The following ZNF426 variants were observed in gnomAD, a reference collection of about 807,000 sequenced individuals.
ZNF426 encodes CTC-543D15.7.
In ZNF426, 23 loss-of-function variants were observed where a neutral mutation model predicts 24.0. The observed-to-expected ratio is 0.96, with a 90% CI of 0.69 to 1.36. ZNF426 has a LOEUF of 1.36. Among genes scored for constraint, ZNF426 ranks in the 40% most tolerant of loss-of-function variants. The pLI, the probability that ZNF426 is intolerant of heterozygous loss-of-function variation, is 0.00. For missense variants in ZNF426, 646 were observed against 658.4 expected (o/e 0.98, Z 0.21); for synonymous variants, 272 against 224.6 (o/e 1.21, Z -1.89).
In ZNF426 at chr19:9,528,415, GA is replaced by G; in HGVS notation, c.1629del (p.Arg545ValfsTer17). 6.2e-7 allele frequency: 1 copy of G among 1,604,628 alleles called. No homozygotes were observed. The highest frequency in any genetic ancestry group is 8.5e-7 in the Non-Finnish European group (1 of 1,176,190). The part of the protein sequence containing the change: ...KCQQCGKAYS[H>X]PRSLRRHEQI... The stretch of plus-strand genomic sequence containing the variant: ...TGTTCATGTCTTCGAAGTGAACGGG[GA>G]TGACTGTAAGCTTTCCCGCATTGCT... On this transcript the variant is annotated frameshift_variant, in exon 8 of 8. Coordinates refer to ENST00000253115, the MANE Select transcript of ZNF426 (RefSeq NM_024106.3). LOFTEE classifies it low-confidence loss of function (END_TRUNC).
intron 3 of ZNF426, among the ~76,000 whole-genome samples, chr19:9,535,501 AAC>A (rs2073952462): frequency 6.6e-6 from 1 of 152,158 alleles, no homozygotes; most frequent in Non-Finnish European, 1.5e-5. Flanking sequence ...CAGCCTGGGC[AAC>A]ACGGTGAGAC....
chr19:9,531,243 G>T (rs1233719476), intron 6 of ZNF426, among the ~76,000 whole-genome samples, 176 bp from the exon 7 acceptor site: 1 of 152,120 alleles, frequency 6.6e-6, no homozygotes, highest in Non-Finnish European at 1.5e-5. Flanking sequence ...AAGCTAGCTG[G>T]GTGTGGTGGT....
At position 9,529,694 on chromosome 19, in the gene ZNF426, C is replaced by A. The variant is rs2073854161; in HGVS notation, c.409-58G>T. 2.7e-6 allele frequency: 4 copies of A among 1,477,038 alleles called. No homozygotes were observed. The East Asian group carries it at 9.1e-5, about 34-fold the overall frequency. The allele number at this position is 1,477,038 out of a possible 1,614,324, so 91.5% of individuals were successfully genotyped here. On this transcript the variant is annotated intron_variant, in intron 7 of 7. Coordinates refer to ENST00000253115, the MANE Select transcript of ZNF426 (RefSeq NM_024106.3). ...TTCTCAAACATATTAACAGAACATA[C>A]CCATCTGAAGCTAGAAACATTATAA...
intron 3 of ZNF426, 83 bp downstream of exon 3, chr19:9,536,125 G>A (rs2073961719): frequency 6.3e-7 from 1 of 1,578,942 alleles, no homozygotes; most frequent in Non-Finnish European, 8.7e-7. Flanking sequence ...TCAGCAACAT[G>A]ACCAGCTGCC....
chr19:9,529,673 C>T (rs1467669629), intron 7 of ZNF426, 37 bp from the exon 8 acceptor site: 5 of 1,544,596 alleles, frequency 3.2e-6, no homozygotes, highest in Non-Finnish European at 3.5e-6. Flanking sequence ...GGATTTTTCT[C>T]AAACATATTA....
intron 2 of ZNF426, 31 bp from the exon 3 acceptor site, chr19:9,536,387 G>C: frequency 6.5e-7 from 1 of 1,538,256 alleles, no homozygotes; most frequent in Admixed American, 2.0e-5. Flanking sequence ...TCAACAAGCA[G>C]TACTTAATCA....
Position 9,528,736 on chromosome 19 carries a change from TA to T in ZNF426, c.1308del (p.Asn436LysfsTer126). 1.2e-6 allele frequency: 2 copies of T among 1,614,168 alleles called. No homozygotes were observed. The highest frequency in any genetic ancestry group is 1.7e-6 in the Non-Finnish European group (2 of 1,180,008). ...GKVFGYPSCL[N>X]NHMRTHSAQK... ...TGGGCACTGTGCGTTCGCATGTGAT[TA>T]TTAAGACATGAGGGATACCCAAATA... On this transcript the variant is annotated frameshift_variant, in exon 8 of 8. Transcript: ENST00000253115. LOFTEE classifies it low-confidence loss of function (END_TRUNC).
At chr19:9,536,812 T>G (rs1322206539) in intron 2 of ZNF426, among the ~76,000 whole-genome samples, 1 of 130,726 alleles carries the variant, frequency 7.6e-6, no homozygotes, top group African/African-American at 2.6e-5. Context: ...TTCATAGTAT[T>G]TATCTGGTTA....
chr19:9,523,367 A>G lies in ZNF426; in HGVS notation c.*5013T>C, dbSNP rs1599702073. 6.6e-6 allele frequency: 1 copy of G among 152,174 alleles called. No homozygotes were observed. Among genetic ancestry groups the G allele is most frequent in the South Asian group, 2.1e-4 (1 of 4,822 alleles). The allele number at this position is 152,174 out of a possible 1,614,324, so 9.4% of individuals were successfully genotyped here. ...ATCTCTCTTTGCCTTGAAGGTAACC[A>G]TTTCCGGTCACTTCACATAAAATTC... On this transcript the variant is annotated 3_prime_UTR_variant, in exon 8 of 8. Transcript: ENST00000253115.
rs2073845404 is a variant in ZNF426 at position 9,529,320 on chromosome 19, T to C, written c.725A>G (p.His242Arg). Reference protein sequence around the residue: ...SFINESYLQAHMRTHNGEKLY... With the variant: ...SFINESYLQARMRTHNGEKLY... ...TTTTTCTCCATTGTGAGTTCTCATA[T>C]GTGCCTGAAGGTATGACTCATTAAT... The change falls in exon 8 of 8, where the codon CAT (histidine) becomes CGT (arginine). Residue 242 changes from histidine to arginine, a missense_variant. Transcript: ENST00000253115. The C allele has an allele frequency of 6.2e-7, 1 of 1,614,206 alleles. No homozygotes were observed. The highest frequency in any genetic ancestry group is 8.5e-7 in the Non-Finnish European group (1 of 1,180,036).
chr19:9,528,596 C>A lies in ZNF426; in HGVS notation c.1449G>T (p.Lys483Asn). The A allele has an allele frequency of 6.2e-7, 1 of 1,613,180 alleles. No individual in the cohort carries two copies. Among genetic ancestry groups the A allele is most frequent in the African/African-American group, 1.3e-5 (1 of 74,698 alleles). The change falls in exon 8 of 8, where the codon AAG becomes AAT. Residue 483 changes from lysine (K) to asparagine (N), a missense_variant. Transcript: ENST00000253115. Reference sequence around the variant, plus strand: ...GAAATGAACTGGAATGACTGAAGGCCTTTCCACATTGTTTACACTCATAGG... The same window carrying A: ...GAAATGAACTGGAATGACTGAAGGCATTTCCACATTGTTTACACTCATAGG... ...EKPYECKQCGKAFSHSSSFQI... is the reference protein window; with the variant it reads ...EKPYECKQCGNAFSHSSSFQI...
chr19:9,523,368 T>C lies in ZNF426; in HGVS notation c.*5012A>G, dbSNP rs2073761021. 6.6e-6 allele frequency: 1 copy of C among 152,188 alleles called. No individual in the cohort carries two copies. The highest frequency in any genetic ancestry group is 1.5e-5 in the Non-Finnish European group (1 of 68,032). The allele number at this position is 152,188 out of a possible 1,614,324, so 9.4% of individuals were successfully genotyped here. A position where few individuals can be genotyped will look rare whatever the true frequency, so the allele number is the denominator to read the frequency against. On this transcript the variant is annotated 3_prime_UTR_variant, in exon 8 of 8. Transcript: ENST00000253115. ...TCTCTCTTTGCCTTGAAGGTAACCA[T>C]TTCCGGTCACTTCACATAAAATTCT...
At chr19:9,532,565 G>A (rs1385032100) in intron 6 of ZNF426, among the ~76,000 whole-genome samples, 2 of 152,010 alleles carry the variant, frequency 1.3e-5, no homozygotes, top group African/African-American at 4.8e-5. Context: ...CCAATGTGTG[G>A]GGATTACAGG....
At chr19:9,529,888 TG>T (rs1279536257) in intron 7 of ZNF426, among the ~76,000 whole-genome samples, 1 of 151,584 alleles carries the variant, frequency 6.6e-6, no homozygotes, top group Admixed American at 6.6e-5. Flanking sequence ...GGGAGTCCGA[TG>T]GGGGGCAGAT....
intron 4 of ZNF426, among the ~76,000 whole-genome samples, chr19:9,534,248 C>T (rs1457507290): frequency 6.6e-6 from 1 of 152,190 alleles, no homozygotes; most frequent in Non-Finnish European, 1.5e-5. Context: ...CTCTGTTGCC[C>T]AGGCTGGAGT....
At chr19:9,535,159 C>G (rs764941961) in intron 4 of ZNF426, 29 bp downstream of exon 4, 2 of 1,557,836 alleles carry the variant, frequency 1.3e-6, no homozygotes, top group Non-Finnish European at 1.8e-6. Context: ...AAGTATGTCA[C>G]TATGTATAAG....
In ZNF426 at chr19:9,526,670, AG is replaced by A. The variant is rs2073795175; in HGVS notation, c.*1709del. ...AAATACCAGATGGAAAGAAAAAAAA[AG>A]GGAAACAATGACAGAATTTCTCAAA... On this transcript the variant is annotated 3_prime_UTR_variant, in exon 8 of 8. Coordinates refer to ENST00000253115, the MANE Select transcript of ZNF426 (RefSeq NM_024106.3). 1 of 152,212 alleles carries A rather than the reference AG, an allele frequency of 6.6e-6. No homozygotes were observed. The highest frequency in any genetic ancestry group is 2.4e-5 in the African/African-American group (1 of 41,454). The allele number at this position is 152,212 out of a possible 1,614,324, so 9.4% of individuals were successfully genotyped here. A position where few individuals can be genotyped will look rare whatever the true frequency, so the allele number is the denominator to read the frequency against.
chr19:9,531,423 G>A (rs1175038867), intron 6 of ZNF426, among the ~76,000 whole-genome samples: 1 of 152,106 alleles, frequency 6.6e-6, no homozygotes, highest in East Asian at 1.9e-4. Context: ...GAAATGCAAA[G>A]AGTTCAAAAC....
rs1331981242 is a variant in ZNF426, at chr19:9,526,655, T to A, written c.*1725A>T. 1 of 150,188 alleles carries A rather than the reference T, an allele frequency of 6.7e-6. No homozygotes were observed. The highest frequency in any genetic ancestry group is 1.9e-4 in the East Asian group (1 of 5,148). The allele number at this position is 150,188 out of a possible 1,614,324, so 9.3% of individuals were successfully genotyped here. A position where few individuals can be genotyped will look rare whatever the true frequency, so the allele number is the denominator to read the frequency against. ...TCCTACATATAAAGGAAATACCAGATGGAAAGAAAAAAAAAGGGAAACAAT... is the reference window on the plus strand; with the variant it reads ...TCCTACATATAAAGGAAATACCAGAAGGAAAGAAAAAAAAAGGGAAACAAT... On this transcript the variant is annotated 3_prime_UTR_variant, in exon 8 of 8. Transcript: ENST00000253115.
Sources: allele counts gnomAD v4.1 joint callset (sites outside exome capture counted in the v4.1 genomes callset), GRCh38; gene constraint gnomAD v4.1.1; transcripts MANE v1.5; gene names NCBI Gene and HGNC (gene_info 2026-07-23, HGNC 2026-07-21).